PDSS1: variants seen among roughly 807,000 people sequenced by gnomAD.
The protein encoded by PDSS1 is decaprenyl diphosphate synthase subunit 1.
PDSS1 carries 43 observed loss-of-function variants against 57.5 expected under a neutral mutation model. The observed-to-expected ratio is 0.75, with a 90% CI of 0.59 to 0.96. The LOEUF (loss-of-function observed/expected upper bound fraction) is 0.96. PDSS1 is among the 50% of genes least tolerant of loss of function. The pLI, the probability that PDSS1 is intolerant of heterozygous loss-of-function variation, is 0.00. For synonymous variants in PDSS1, 175 were observed against 191.3 expected (o/e 0.91, Z 0.70); for missense variants, 438 against 527.8 (o/e 0.83, Z 1.67).
At chr10:26,698,049 A>C (rs1471984984) in intron 1 of PDSS1, among the ~76,000 whole-genome samples, 1 of 151,808 alleles carries the variant, frequency 6.6e-6, no homozygotes, top group Non-Finnish European at 1.5e-5. Flanking sequence ...GGGGCGCCCT[A>C]CACGGGGTTG....
chr10:26,708,251 G>A (rs1462817055), intron 4 of PDSS1, among the ~76,000 whole-genome samples: 1 of 152,200 alleles, frequency 6.6e-6, no homozygotes, highest in East Asian at 1.9e-4. Flanking sequence ...CACCTGTGCC[G>A]AGCTGAGGTT....
chr10:26,701,801 C>T (rs1835058480), intron 1 of PDSS1: 6 of 454,120 alleles, frequency 1.3e-5, no homozygotes, highest in South Asian at 9.3e-5. Flanking sequence ...CCACCGTGCT[C>T]TAGACCCCAG....
chr10:26,730,086 G>A (rs527952627), intron 8 of PDSS1, among the ~76,000 whole-genome samples: 90 of 151,426 alleles, frequency 5.9e-4, no homozygotes, highest in African/African-American at 2.1e-3. Context: ...CTAATTTTTT[G>A]TATTTTTAGT....
At chr10:26,736,755 C>G (rs1036681768) in intron 10 of PDSS1, among the ~76,000 whole-genome samples, 4 of 152,278 alleles carry the variant, frequency 2.6e-5, no homozygotes, top group Admixed American at 6.5e-5. Flanking sequence ...AGGCTTCCAT[C>G]CTCTCAAACT....
At chr10:26,732,196 G>A (rs1387633191) in intron 8 of PDSS1, among the ~76,000 whole-genome samples, 1 of 152,246 alleles carries the variant, frequency 6.6e-6, no homozygotes, top group African/African-American at 2.4e-5. Context: ...CTTCTTGTAT[G>A]TTGTGCTATG....
chr10:26,724,967 A>G (rs1354975083), intron 8 of PDSS1, among the ~76,000 whole-genome samples: 1 of 152,230 alleles, frequency 6.6e-6, no homozygotes, highest in African/African-American at 2.4e-5. Flanking sequence ...AGTATAAGCC[A>G]TAACTGTTTT....
At position 26,728,774 on chromosome 10, in the gene PDSS1, C is replaced by CTTTTT. The variant is rs33930147; in HGVS notation, c.831+4669_831+4673dup. On this transcript the variant is annotated intron_variant, in intron 8 of 11. Coordinates refer to ENST00000376215, the MANE Select transcript of PDSS1 (RefSeq NM_014317.5). ...CTTGGATTCTTATTTTATTCTGTAT[C>CTTTTT]TTTTTTTTTTTTTTTTTTTTTTGAG... Among the ~76,000 whole-genome samples the CTTTTT allele has an allele frequency of 7.6e-4, 64 of 84,554 alleles. 1 individual carries two copies. Among genetic ancestry groups the CTTTTT allele is most frequent in the African/African-American group, 1.7e-3 (35 of 21,162 alleles). The allele number at this position is 84,554 out of a possible 152,430, so 55.5% of individuals were successfully genotyped here.
At chr10:26,709,905 C>A (rs1835367851) in intron 5 of PDSS1, 137 bp downstream of exon 5, 5 of 919,524 alleles carry the variant, frequency 5.4e-6, no homozygotes, top group Non-Finnish European at 6.9e-6. Flanking sequence ...ATAATCCCAG[C>A]ATTCTGGGAG....
Position 26,746,548 on chromosome 10 carries a change from G to T in PDSS1, c.*75G>T, listed in dbSNP as rs1268288586. 6.8e-7 allele frequency: 1 copy of T among 1,476,036 alleles called. No homozygotes were observed. The highest frequency in any genetic ancestry group is 9.5e-7 in the Non-Finnish European group (1 of 1,056,770). 91.4% of individuals were successfully genotyped at this position (1,476,036 alleles called of 1,614,324 possible). A position where few individuals can be genotyped will look rare whatever the true frequency, so the allele number is the denominator to read the frequency against. ...GAATTTTGTGGAATACACTTTGTTTGCTTCATGTGCAGATAACCAAAAATC... is the reference window on the plus strand; with the variant it reads ...GAATTTTGTGGAATACACTTTGTTTTCTTCATGTGCAGATAACCAAAAATC... On this transcript the variant is annotated 3_prime_UTR_variant, in exon 12 of 12. Coordinates refer to ENST00000376215, the MANE Select transcript of PDSS1 (RefSeq NM_014317.5).
intron 10 of PDSS1, among the ~76,000 whole-genome samples, chr10:26,740,077 G>A (rs1335054775): frequency 1.3e-5 from 2 of 151,268 alleles, no homozygotes; most frequent in African/African-American, 4.9e-5. Flanking sequence ...GGGAGGCGGA[G>A]GTTGCAGTCA....
At chr10:26,732,554 CA>C (rs1385851320) in intron 8 of PDSS1, among the ~76,000 whole-genome samples, 6 of 152,140 alleles carry the variant, frequency 3.9e-5, no homozygotes, top group Non-Finnish European at 8.8e-5. Context: ...TGTCTGGAGC[CA>C]GACCATGTGG....
At chr10:26,701,425 G>A (rs1273477677) in intron 1 of PDSS1, among the ~76,000 whole-genome samples, 1 of 152,316 alleles carries the variant, frequency 6.6e-6, no homozygotes, top group Non-Finnish European at 1.5e-5. Flanking sequence ...TTCATGGGCT[G>A]GGCCCAGGGC....
intron 5 of PDSS1, 91 bp downstream of exon 5, chr10:26,709,859 T>A: frequency 7.3e-7 from 1 of 1,376,168 alleles, no homozygotes; most frequent in Non-Finnish European, 1.0e-6. Flanking sequence ...CATTTAAGAA[T>A]TAGCATATAC....
intron 6 of PDSS1, among the ~76,000 whole-genome samples, chr10:26,723,432 T>G (rs1395330371): frequency 1.3e-5 from 2 of 152,132 alleles, no homozygotes; most frequent in African/African-American, 2.4e-5. Flanking sequence ...ACTGGGGAGA[T>G]GGACATGGTC....
chr10:26,739,395 C>G (rs1228006669), intron 10 of PDSS1, among the ~76,000 whole-genome samples: 2 of 152,162 alleles, frequency 1.3e-5, no homozygotes, highest in Non-Finnish European at 2.9e-5. Context: ...TCCACATACA[C>G]ATTAAGGGGA....
At chr10:26,718,058 G>T (rs2763199) in intron 5 of PDSS1, 69,514 of 151,194 alleles carry the variant, frequency 0.46, 16,301 homozygotes, top group Admixed American at 0.55. Flanking sequence ...GTTTTTTTGT[G>T]TTTTTTTGAA....
chr10:26,703,280 A>AG (rs1368412155), intron 2 of PDSS1, among the ~76,000 whole-genome samples: 1 of 152,158 alleles, frequency 6.6e-6, no homozygotes, highest in Non-Finnish European at 1.5e-5. Context: ...CCTTCAACCC[A>AG]GATTAGGGGT....
chr10:26,742,164 A>G (rs1446621405), intron 10 of PDSS1, among the ~76,000 whole-genome samples: 2 of 152,246 alleles, frequency 1.3e-5, no homozygotes, highest in Non-Finnish European at 2.9e-5. Flanking sequence ...GGCGTGTGCC[A>G]CCACGCCTGG....
At chr10:26,721,747 A>G (rs1202558923) in intron 6 of PDSS1, among the ~76,000 whole-genome samples, 5 of 152,184 alleles carry the variant, frequency 3.3e-5, no homozygotes, top group Non-Finnish European at 7.3e-5. Context: ...GCGGGGGAAG[A>G]GGATCAAGAG....
Sources: allele counts gnomAD v4.1 joint callset (sites outside exome capture counted in the v4.1 genomes callset), GRCh38; gene constraint gnomAD v4.1.1; transcripts MANE v1.5; gene names NCBI Gene and HGNC (gene_info 2026-07-23, HGNC 2026-07-21).